Variants in CSMD3 observed in about 807,000 individuals in gnomAD.
CSMD3 encodes the protein CUB and sushi domain-containing protein 3.
In CSMD3, 177 loss-of-function variants were observed where a neutral mutation model predicts 435.2. That is an observed-to-expected ratio of 0.41 (90% CI 0.36 to 0.46). CSMD3 has a LOEUF of 0.46. Ranked by LOEUF, CSMD3 falls within the 20% of genes least tolerant of loss-of-function variation. The pLI is 0.34. For missense variants in CSMD3, 4,265 were observed against 4,504.6 expected (o/e 0.95, Z 1.52); for synonymous variants, 1,656 against 1,520.5 (o/e 1.09, Z -2.07).
intron 61 of CSMD3, among the ~76,000 whole-genome samples, chr8:112,259,047 A>C (rs1302379489): frequency 6.6e-6 from 1 of 152,122 alleles, no homozygotes; most frequent in Non-Finnish European, 1.5e-5. Flanking sequence ...TCCCAAAAAA[A>C]AAAGAAAAAA....
intron 22 of CSMD3, among the ~76,000 whole-genome samples, chr8:112,608,762 T>C (rs1308904111): frequency 6.6e-6 from 1 of 152,014 alleles, no homozygotes; most frequent in African/African-American, 2.4e-5. Flanking sequence ...GAACAGTCTC[T>C]TCAATAAATG....
At chr8:113,044,187 A>T (rs1383851881) in intron 5 of CSMD3, among the ~76,000 whole-genome samples, 1 of 152,092 alleles carries the variant, frequency 6.6e-6, no homozygotes, top group Non-Finnish European at 1.5e-5. Flanking sequence ...AAGTATTATG[A>T]TACTCTGACT....
rs769846688 is a variant in CSMD3 at position 112,228,805 on chromosome 8, A to C, written c.10915T>G (p.Phe3639Val). 6.3e-7 allele frequency: 1 copy of C among 1,590,834 alleles called. No homozygotes were observed. The change falls in exon 70 of 71, where the codon TTT becomes GTT. Residue 3639 changes from phenylalanine (F) to valine (V), a missense_variant. Coordinates refer to ENST00000297405, the MANE Select transcript of CSMD3 (RefSeq NM_198123.2). ...AATCCTGCAAATATAAGTGCAAAAA[A>C]AGGCACAAGAATAGCAATGGCTACA... ...SSVAIAILVP[F>V]FALIFAGFGF...
At chr8:113,263,202 C>CA (rs1290940594) in intron 3 of CSMD3, among the ~76,000 whole-genome samples, 1 of 151,648 alleles carries the variant, frequency 6.6e-6, no homozygotes, top group Non-Finnish European at 1.5e-5. Context: ...GTGAAAGAAC[C>CA]AAAAATATTG....
In CSMD3 at chr8:113,406,287, G is replaced by A. The variant is rs2094532512; in HGVS notation, c.178+30390C>T. On this transcript the variant is annotated intron_variant, in intron 1 of 70. Coordinates refer to ENST00000297405, the MANE Select transcript of CSMD3 (RefSeq NM_198123.2). ...CCTGGATCATGGATAATAGACATGTGATAAGGGCTGTGATAGATTTGGGGG... is the reference window on the plus strand; with the variant it reads ...CCTGGATCATGGATAATAGACATGTAATAAGGGCTGTGATAGATTTGGGGG... Among the ~76,000 whole-genome samples, 3 of 151,850 alleles carry A rather than the reference G, an allele frequency of 2.0e-5. No homozygotes were observed. In the South Asian group the frequency reaches 6.2e-4, roughly 31 times the overall value.
intron 4 of CSMD3, among the ~76,000 whole-genome samples, chr8:113,162,590 A>C (rs1034628244): frequency 2.3e-4 from 35 of 151,712 alleles, no homozygotes; most frequent in African/African-American, 8.0e-4. Context: ...AAAAAAAAAA[A>C]AAACTTGTTT....
chr8:112,548,787 A>G (rs1465109312), intron 27 of CSMD3, among the ~76,000 whole-genome samples: 1 of 152,132 alleles, frequency 6.6e-6, no homozygotes. Context: ...TTCATTCACA[A>G]TGTAGTAACC....
intron 27 of CSMD3, among the ~76,000 whole-genome samples, chr8:112,543,312 T>A (rs1002352420): frequency 6.6e-6 from 1 of 152,054 alleles, no homozygotes; most frequent in Non-Finnish European, 1.5e-5. Context: ...TGGCAAGCTA[T>A]GGAATGGGAG....
At chr8:113,225,811 A>T (rs2093021174) in intron 3 of CSMD3, among the ~76,000 whole-genome samples, 1 of 151,488 alleles carries the variant, frequency 6.6e-6, no homozygotes, top group African/African-American at 2.4e-5. Context: ...AGTGTTTGAT[A>T]TGGTCTGGTT....
At chr8:113,243,938 T>A (rs2093248349) in intron 3 of CSMD3, among the ~76,000 whole-genome samples, 1 of 152,318 alleles carries the variant, frequency 6.6e-6, no homozygotes, top group South Asian at 2.1e-4. Flanking sequence ...TTTGCCCATA[T>A]TTAAACTGAT....
intron 1 of CSMD3, among the ~76,000 whole-genome samples, chr8:113,427,824 G>A (rs957007659): frequency 6.6e-6 from 1 of 151,602 alleles, no homozygotes; most frequent in Non-Finnish European, 1.5e-5. Flanking sequence ...CTGTAGAGCT[G>A]AGTGGAAGGT....
At chr8:112,977,940 C>G (rs1168440557) in intron 6 of CSMD3, among the ~76,000 whole-genome samples, 3 of 151,980 alleles carry the variant, frequency 2.0e-5, no homozygotes, top group Non-Finnish European at 4.4e-5. Flanking sequence ...TACTAAAATA[C>G]AGTAATTGAA....
At chr8:113,295,093 G>A (rs1052778298) in intron 2 of CSMD3, among the ~76,000 whole-genome samples, 1 of 152,046 alleles carries the variant, frequency 6.6e-6, no homozygotes, top group African/African-American at 2.4e-5. Context: ...GATGTATTTT[G>A]AAACAGGCAT....
At chr8:112,802,797 G>A (rs550503501) in intron 12 of CSMD3, among the ~76,000 whole-genome samples, 2 of 151,462 alleles carry the variant, frequency 1.3e-5, no homozygotes, top group East Asian at 3.9e-4. Context: ...ATAGTATCTG[G>A]ATAGACCACT....
chr8:112,893,582 A>C (rs947861584), intron 10 of CSMD3, among the ~76,000 whole-genome samples: 1 of 151,502 alleles, frequency 6.6e-6, no homozygotes, highest in African/African-American at 2.4e-5. Flanking sequence ...GCAGAGATTT[A>C]ATCCCTGTTT....
intron 3 of CSMD3, among the ~76,000 whole-genome samples, chr8:113,205,930 T>G (rs1215572779): frequency 2.0e-5 from 3 of 152,150 alleles, no homozygotes; most frequent in Admixed American, 2.0e-4. Context: ...CTTTTTTTTT[T>G]GTCAGTGTAG....
intron 22 of CSMD3, among the ~76,000 whole-genome samples, chr8:112,616,300 G>A (rs1287592918): frequency 6.6e-6 from 1 of 151,942 alleles, no homozygotes; most frequent in Non-Finnish European, 1.5e-5. Flanking sequence ...TTATCTTCAT[G>A]TATGACATAA....
At chr8:112,855,736 A>G (rs893289788) in intron 11 of CSMD3, among the ~76,000 whole-genome samples, 6 of 151,984 alleles carry the variant, frequency 3.9e-5, no homozygotes, top group Admixed American at 2.0e-4. Context: ...GCATAGATGC[A>G]GACATGGGCA....
chr8:112,841,080 G>A (rs748684714), intron 11 of CSMD3, among the ~76,000 whole-genome samples: 3 of 151,676 alleles, frequency 2.0e-5, no homozygotes, highest in Non-Finnish European at 4.4e-5. Context: ...AGAGAGTGGT[G>A]GAGGTGTTCA....
Sources: allele counts gnomAD v4.1 joint callset (sites outside exome capture counted in the v4.1 genomes callset), GRCh38; gene constraint gnomAD v4.1.1; transcripts MANE v1.5; gene names NCBI Gene and HGNC (gene_info 2026-07-23, HGNC 2026-07-21).